TMC6: variants seen among roughly 807,000 people sequenced by gnomAD.
TMC6 encodes transmembrane channel like 6.
In TMC6, 71 loss-of-function variants were observed where a neutral mutation model predicts 95.4. The observed-to-expected ratio is 0.74, with a 90% CI of 0.61 to 0.91. The LOEUF is 0.91. TMC6 is among the 40% of genes least tolerant of loss of function. The pLI is 0.00. For missense variants in TMC6, 1,074 were observed against 1,079.1 expected (o/e 1.00, Z 0.07); for synonymous variants, 514 against 483.1 (o/e 1.06, Z -0.84).
At position 78,125,256 on chromosome 17, in the gene TMC6, C is replaced by T. The variant is rs1023965482; in HGVS notation, c.438G>A (p.Gln146=). ...DPTALEEEEK[Q]SLLVKELQSL... ...TCTGGAGCTCCTTCACCAGGAGGCT[C>T]TGCTTCTCTGCGAGAGGGAGAGGGA... Residue 146 remains glutamine, a synonymous_variant, in exon 6 of 20, where the codon CAG becomes CAA. Transcript: ENST00000590602. The T allele has an allele frequency of 6.4e-7, 1 of 1,570,124 alleles. No homozygotes were observed. Among genetic ancestry groups the T allele is most frequent in the Non-Finnish European group, 8.6e-7 (1 of 1,157,082 alleles).
Position 78,124,146 on chromosome 17 carries a change from G to A in TMC6, c.925C>T (p.His309Tyr). 6.2e-7 allele frequency: 1 copy of A among 1,612,546 alleles called. No homozygotes were observed. Among genetic ancestry groups the A allele is most frequent in the Admixed American group, 1.7e-5 (1 of 60,006 alleles). ...TGGTTCAGCGTGGCGTTACTGTAGT[G>A]GCCGTAGTACATGACGGTGTGGGTG... ...CFTHTVMYYGHYSNATLNQPC... is the reference protein window; with the variant it reads ...CFTHTVMYYGYYSNATLNQPC... Residue 309 changes from histidine to tyrosine, a missense_variant, in exon 9 of 20, where the codon CAC becomes TAC. By Grantham distance (83) the His-to-Tyr change is moderately conservative. Coordinates refer to ENST00000590602, the MANE Select transcript of TMC6 (RefSeq NM_001127198.5).
At chr17:78,117,704 C>T in intron 16 of TMC6, 60 bp from the exon 17 acceptor site, 1 of 1,556,236 alleles carries the variant, frequency 6.4e-7, no homozygotes, top group Non-Finnish European at 8.7e-7. Context: ...GGCTCCCTCC[C>T]AGCCCGTCCT....
intron 12 of TMC6, 22 bp from the exon 13 acceptor site, chr17:78,120,854 G>A (rs951048399): frequency 1.2e-6 from 2 of 1,610,966 alleles, no homozygotes; most frequent in African/African-American, 2.7e-5. Flanking sequence ...GGGGTGCAAA[G>A]GCTGAGGGGC....
upstream of TMC6, chr17:78,132,145 C>G (rs743048): frequency 0.011 from 16,590 of 1,479,124 alleles, 1,137 homozygotes; most frequent in African/African-American, 0.17. Flanking sequence ...CCCGACCAAT[C>G]GGCCCCTCCC....
chr17:78,119,263 G>T, intron 14 of TMC6, 34 bp downstream of exon 14: 1 of 1,610,602 alleles, frequency 6.2e-7, no homozygotes, highest in Non-Finnish European at 8.5e-7. Context: ...TGACCGAGGG[G>T]CCAGACAGTA....
intron 18 of TMC6, among the ~76,000 whole-genome samples, chr17:78,116,985 C>G (rs2074150469): frequency 6.6e-6 from 1 of 152,208 alleles, no homozygotes; most frequent in Non-Finnish European, 1.5e-5. Flanking sequence ...ACTGTCTAAA[C>G]CCTCAGCGGG....
chr17:78,125,855 A>G lies in TMC6; in HGVS notation c.301T>C (p.Tyr101His), dbSNP rs1414940093. The G allele has an allele frequency of 1.3e-6, 2 of 1,551,652 alleles. No homozygotes were observed. Among genetic ancestry groups the G allele is most frequent in the East Asian group, 4.9e-5 (2 of 40,976 alleles). Residue 101 changes from tyrosine (Y) to histidine (H), a missense_variant, in exon 5 of 20, where the codon TAC (tyrosine) becomes CAC (histidine). Coordinates refer to ENST00000590602, the MANE Select transcript of TMC6 (RefSeq NM_001127198.5). The stretch of plus-strand genomic sequence containing the variant: ...CGAAGCTGCACCGTGCGGTTGTAGT[A>G]CTGGGAGATGATGGCACCTCGGCTG... ...GRSRGAIISQ[Y>H]YNRTVQLRCR...
At chr17:78,118,113 G>T in intron 15 of TMC6, 178 bp from the exon 16 acceptor site, 1 of 1,116,024 alleles carries the variant, frequency 9.0e-7, no homozygotes, top group East Asian at 2.6e-5. Context: ...TCACTTGCAC[G>T]CAAACGGGTG....
In TMC6 at chr17:78,125,990, A is replaced by G. The variant is rs1265197020; in HGVS notation, c.272-106T>C. The stretch of plus-strand genomic sequence containing the variant: ...CGTCCCTCACCCCTTCCCAGGACCC[A>G]GGAAAATCCTTTCAACAAAGACTTC... On this transcript the variant is annotated intron_variant, in intron 4 of 19. Coordinates refer to ENST00000590602, the MANE Select transcript of TMC6 (RefSeq NM_001127198.5). The G allele has an allele frequency of 2.7e-6, 4 of 1,472,250 alleles. No individual in the cohort carries two copies. In the East Asian group the frequency reaches 7.4e-5, roughly 27 times the overall value. 91.2% of individuals were successfully genotyped at this position (1,472,250 alleles called of 1,614,324 possible). A position where few individuals can be genotyped will look rare whatever the true frequency, so the allele number is the denominator to read the frequency against.
At chr17:78,131,365 C>A, upstream of TMC6, 1 of 632,680 alleles carries the variant, frequency 1.6e-6, no homozygotes, top group Non-Finnish European at 2.7e-6. Context: ...AGGATTCTCT[C>A]TCATTTCTGA....
chr17:78,131,268 C>A, upstream of TMC6: 1 of 489,154 alleles, frequency 2.0e-6, no homozygotes, highest in Non-Finnish European at 3.7e-6. Flanking sequence ...GGATCTTTCA[C>A]CCCATTTGAC....
chr17:78,119,079 C>T (rs778346838), intron 14 of TMC6, 33 bp from the exon 15 acceptor site: 16 of 1,554,226 alleles, frequency 1.0e-5, no homozygotes, highest in Non-Finnish European at 1.3e-5. Context: ...GGGGCTGCTC[C>T]AGTGCCCTCC....
chr17:78,123,975 G>A lies in TMC6; in HGVS notation c.1082+14C>T. 1.9e-6 allele frequency: 3 copies of A among 1,613,628 alleles called. No homozygotes were observed. The highest frequency in any genetic ancestry group is 2.5e-6 in the Non-Finnish European group (3 of 1,179,886). On this transcript the variant is annotated intron_variant, in intron 9 of 19. Transcript: ENST00000590602. ...GTGGAGCTCGGAGCCTGGGTCATGA[G>A]GTGGAGGCATTACCTGTACACCAGG... is the stretch of plus-strand genomic sequence containing the variant.
At chr17:78,129,126 C>T (rs545663751), upstream of TMC6, among the ~76,000 whole-genome samples, 9 of 151,140 alleles carry the variant, frequency 6.0e-5, no homozygotes, top group Admixed American at 5.9e-4. This position sits in a 1 kb window ranked among gnomAD's most constrained non-coding sequence, Gnocchi z 4.3. Context: ...GCCCCCCCCC[C>T]CGCCGCCCCC....
intron 1 of TMC6, 73 bp from the exon 2 acceptor site, chr17:78,126,979 G>A (rs1029449549): frequency 4.4e-6 from 4 of 919,528 alleles, no homozygotes; most frequent in African/African-American, 1.6e-5. Flanking sequence ...CCATTCCTGG[G>A]GGAACCACAG....
Position 78,117,881 on chromosome 17 carries a change from T to C in TMC6, c.1942A>G (p.Met648Val). 3.1e-6 allele frequency: 5 copies of C among 1,607,284 alleles called. No homozygotes were observed. The highest frequency in any genetic ancestry group is 3.4e-6 in the Non-Finnish European group (4 of 1,177,392). ...APRRPWLASH[M>V]STVFLTLLCF... ...AGCAGCGTGAGGAAGACGGTGCTCA[T>C]GTGTGAGGCCAGCCAGGGCCGGCGC... Residue 648 changes from methionine to valine, a missense_variant, in exon 16 of 20, where the codon ATG becomes GTG. Physicochemically the swap from Met to Val is conservative, Grantham distance 21. Coordinates refer to ENST00000590602, the MANE Select transcript of TMC6 (RefSeq NM_001127198.5).
At position 78,118,983 on chromosome 17, in the gene TMC6, G is replaced by A. The variant is rs1379094216; in HGVS notation, c.1875C>T (p.Phe625=). The change falls in exon 15 of 20, where the codon TTC becomes TTT. Residue 625 remains phenylalanine, a synonymous_variant. Transcript: ENST00000590602. ...AVQIIKLLLV[F]YVKKTSLLAN... The stretch of plus-strand genomic sequence containing the variant: ...TTGGCAGCCTCACCTTCTTGACATA[G>A]AAGACGAGCAGCAGCTTGATGATCT... The A allele has an allele frequency of 1.9e-6, 3 of 1,604,070 alleles. No individual in the cohort carries two copies. The highest frequency in any genetic ancestry group is 2.7e-5 in the African/African-American group (2 of 74,706).
upstream of TMC6, chr17:78,132,040 G>C (rs776969631): frequency 1.9e-4 from 287 of 1,534,448 alleles, 1 homozygote; most frequent in South Asian, 7.5e-4. Context: ...GGTAGGACCC[G>C]CGCGACCCGC....
chr17:78,119,695 C>A (rs937287132), intron 13 of TMC6: 3 of 447,642 alleles, frequency 6.7e-6, no homozygotes, highest in Non-Finnish European at 1.2e-5. Flanking sequence ...AGCACAGTGA[C>A]GCAATCGTGG....
Sources: allele counts gnomAD v4.1 joint callset (sites outside exome capture counted in the v4.1 genomes callset), GRCh38; gene constraint gnomAD v4.1.1; non-coding constraint Gnocchi (gnomAD v3.1); transcripts MANE v1.5; gene names NCBI Gene and HGNC (gene_info 2026-07-23, HGNC 2026-07-21).